The following PPP1R9A variants were observed in gnomAD, a reference collection of about 807,000 sequenced individuals.
The protein encoded by PPP1R9A is neurabin-1.
In PPP1R9A, 59 loss-of-function variants were observed where a neutral mutation model predicts 141.9. That is an observed-to-expected ratio of 0.42 (90% CI 0.34 to 0.52). The LOEUF (loss-of-function observed/expected upper bound fraction) is 0.52. Ranked by LOEUF, PPP1R9A falls within the 20% of genes least tolerant of loss-of-function variation. The pLI is 0.10. For synonymous variants in PPP1R9A, 500 were observed against 569.7 expected, an observed-to-expected ratio of 0.88 and a Z score of 1.74; for missense variants, 1,444 against 1,611.9, an observed-to-expected ratio of 0.90 and a Z score of 1.78.
intron 8 of PPP1R9A, among the ~76,000 whole-genome samples, chr7:95,244,964 C>T (rs1462949057): frequency 6.6e-6 from 1 of 152,118 alleles, no homozygotes; most frequent in Non-Finnish European, 1.5e-5. Flanking sequence ...TTCTAATGCT[C>T]CATAGAGTAC....
intron 2 of PPP1R9A, chr7:95,035,921 A>G (rs1054488995): frequency 1.3e-5 from 2 of 152,122 alleles, no homozygotes; most frequent in Non-Finnish European, 2.9e-5. Context: ...GCTGTCTCCT[A>G]TTTAGGTAGA....
chr7:95,218,335 G>A (rs1406050290), intron 7 of PPP1R9A, among the ~76,000 whole-genome samples: 3 of 152,158 alleles, frequency 2.0e-5, no homozygotes, highest in Non-Finnish European at 4.4e-5. Flanking sequence ...CTGAGAGACA[G>A]TTTGTTATAA....
At chr7:95,091,890 T>C (rs1215321503) in intron 2 of PPP1R9A, among the ~76,000 whole-genome samples, 1 of 151,906 alleles carries the variant, frequency 6.6e-6, no homozygotes, top group Non-Finnish European at 1.5e-5. Context: ...TTTTAATTCA[T>C]GGACTTGTAT....
At chr7:95,118,410 T>C (rs559635216) in intron 3 of PPP1R9A, among the ~76,000 whole-genome samples, 2 of 152,282 alleles carry the variant, frequency 1.3e-5, no homozygotes, top group East Asian at 3.9e-4. Context: ...CATTAAAGTT[T>C]TCACACTAAA....
chr7:95,211,689 A>T (rs938704343), intron 7 of PPP1R9A, among the ~76,000 whole-genome samples: 6 of 152,116 alleles, frequency 3.9e-5, no homozygotes, highest in Admixed American at 1.3e-4. Context: ...GACATATAAA[A>T]GTTTGGGATA....
intron 4 of PPP1R9A, among the ~76,000 whole-genome samples, chr7:95,124,162 T>C (rs1294829599): frequency 1.3e-5 from 2 of 152,188 alleles, no homozygotes; most frequent in Admixed American, 1.3e-4. Context: ...TACTGGTGTG[T>C]TCATTTGCAC....
chr7:95,015,217 A>AATATATATAT (rs139234228), intron 2 of PPP1R9A, among the ~76,000 whole-genome samples: 3,671 of 149,614 alleles, frequency 0.025, 63 homozygotes, highest in Non-Finnish European at 0.035. Flanking sequence ...TACACACACG[A>AATATATATAT]ATATATATAT....
intron 5 of PPP1R9A, among the ~76,000 whole-genome samples, chr7:95,177,781 G>GACATTATA (rs1833118231): frequency 2.0e-5 from 3 of 151,992 alleles, no homozygotes; most frequent in Admixed American, 6.6e-5. Flanking sequence ...GACAAAGAGG[G>GACATTATA]ACATTATATA....
chr7:95,221,092 A>C (rs1794385566), intron 7 of PPP1R9A, among the ~76,000 whole-genome samples: 1 of 152,132 alleles, frequency 6.6e-6, no homozygotes, highest in African/African-American at 2.4e-5. Flanking sequence ...AAAGTTTAGC[A>C]AATGTGGTTA....
intron 5 of PPP1R9A, among the ~76,000 whole-genome samples, chr7:95,189,786 G>A (rs574842073): frequency 1.3e-5 from 2 of 152,104 alleles, no homozygotes; most frequent in South Asian, 2.1e-4. Context: ...TTGGGTTAAA[G>A]ACCTTGACTT....
intron 2 of PPP1R9A, among the ~76,000 whole-genome samples, chr7:95,092,467 G>A (rs13247434): frequency 1.3e-5 from 2 of 151,970 alleles, no homozygotes; most frequent in Non-Finnish European, 2.9e-5. Flanking sequence ...CAGCAGGGTG[G>A]ACCAGACAGT....
At chr7:94,915,852 C>G (rs970601700) in intron 2 of PPP1R9A, among the ~76,000 whole-genome samples, 5 of 152,266 alleles carry the variant, frequency 3.3e-5, no homozygotes, top group Non-Finnish European at 7.4e-5. Context: ...AGAGATGTGA[C>G]AAATACACTT....
At chr7:95,173,108 C>T (rs1832378351) in intron 5 of PPP1R9A, among the ~76,000 whole-genome samples, 1 of 151,784 alleles carries the variant, frequency 6.6e-6, no homozygotes. Context: ...GCAGCTAGAA[C>T]ACTAAGATTT....
chr7:94,927,469 A>G (rs866664086), intron 2 of PPP1R9A, among the ~76,000 whole-genome samples: 1 of 152,188 alleles, frequency 6.6e-6, no homozygotes. Flanking sequence ...GATTAATATT[A>G]TAACATTTTA....
At chr7:95,046,824 G>A (rs1171161893) in intron 2 of PPP1R9A, among the ~76,000 whole-genome samples, 3 of 152,154 alleles carry the variant, frequency 2.0e-5, no homozygotes, top group Non-Finnish European at 4.4e-5. Context: ...TGAATGAAAA[G>A]CACACATTCT....
At chr7:94,913,615 G>A (rs1432807119) in intron 2 of PPP1R9A, among the ~76,000 whole-genome samples, 1 of 152,076 alleles carries the variant, frequency 6.6e-6, no homozygotes, top group Non-Finnish European at 1.5e-5. Context: ...CTTTCTTGCT[G>A]CTTCCATTGT....
intron 2 of PPP1R9A, among the ~76,000 whole-genome samples, chr7:95,032,165 A>G (rs1294413231): frequency 6.6e-6 from 1 of 152,158 alleles, no homozygotes; most frequent in Non-Finnish European, 1.5e-5. Flanking sequence ...ATGCTGGTGG[A>G]TGTCAAAGAT....
chr7:95,177,618 T>C (rs187148724), intron 5 of PPP1R9A, among the ~76,000 whole-genome samples: 1 of 152,150 alleles, frequency 6.6e-6, no homozygotes, highest in Admixed American at 6.5e-5. Flanking sequence ...ACCAACCAAC[T>C]ATCTGCTGCC....
chr7:94,938,443 T>G (rs950621397), intron 2 of PPP1R9A, among the ~76,000 whole-genome samples: 1 of 152,080 alleles, frequency 6.6e-6, no homozygotes, highest in Non-Finnish European at 1.5e-5. Context: ...ACCTGATGCT[T>G]TCAGAAGGTT....
Sources: allele counts gnomAD v4.1 joint callset (sites outside exome capture counted in the v4.1 genomes callset), GRCh38; gene constraint gnomAD v4.1.1; transcripts MANE v1.5; gene names NCBI Gene and HGNC (gene_info 2026-07-23, HGNC 2026-07-21).